LRRC4C: variants seen among roughly 807,000 people sequenced by gnomAD.
The protein encoded by LRRC4C is leucine-rich repeat-containing protein 4C.
Under a neutral mutation model 33.6 loss-of-function variants are expected in LRRC4C, and 5 were observed. The observed-to-expected ratio is 0.15, with a 90% CI of 0.08 to 0.31. LRRC4C has a LOEUF of 0.31. Among genes scored for constraint, LRRC4C ranks in the 10% least tolerant of loss-of-function variants. LRRC4C has a pLI of 1.00. For synonymous variants in LRRC4C, 329 were observed against 302.0 expected (o/e 1.09, Z -0.93); for missense variants, 560 against 796.7 (o/e 0.70, Z 3.58).
chr11:40,538,874 G>T (rs1395347037), intron 3 of LRRC4C, among the ~76,000 whole-genome samples: 1 of 152,128 alleles, frequency 6.6e-6, no homozygotes, highest in Non-Finnish European at 1.5e-5. Context: ...GTTTTGATTT[G>T]CATTTCTCTG....
At chr11:40,336,386 T>C (rs994932483) in intron 3 of LRRC4C, among the ~76,000 whole-genome samples, 1 of 152,188 alleles carries the variant, frequency 6.6e-6, no homozygotes, top group African/African-American at 2.4e-5. Flanking sequence ...GATTCTCCTC[T>C]CTTCCCTTGC....
intron 1 of LRRC4C, among the ~76,000 whole-genome samples, chr11:41,290,937 T>A (rs1186467202): frequency 2.0e-5 from 3 of 152,158 alleles, no homozygotes; most frequent in African/African-American, 7.2e-5. Context: ...TGACGAGGGA[T>A]GTGGAAAATT....
At chr11:41,052,931 T>C (rs1858346059) in intron 1 of LRRC4C, among the ~76,000 whole-genome samples, 2 of 152,158 alleles carry the variant, frequency 1.3e-5, no homozygotes. Context: ...CTCAATCAAA[T>C]TTTACTAGTC....
intron 2 of LRRC4C, among the ~76,000 whole-genome samples, chr11:40,845,102 T>A (rs2135687838): frequency 6.6e-6 from 1 of 152,280 alleles, no homozygotes; most frequent in Non-Finnish European, 1.5e-5. Flanking sequence ...TATACAATTT[T>A]AATTTGTTAA....
At chr11:40,831,413 C>T (rs192209786) in intron 2 of LRRC4C, among the ~76,000 whole-genome samples, 114 of 152,130 alleles carry the variant, frequency 7.5e-4, no homozygotes, top group African/African-American at 2.6e-3. Context: ...TCTGATGAAC[C>T]TGTCTTCCAT....
At chr11:40,899,223 A>T (rs958972830) in intron 2 of LRRC4C, among the ~76,000 whole-genome samples, 34 of 152,276 alleles carry the variant, frequency 2.2e-4, no homozygotes, top group Middle Eastern at 3.4e-3. Context: ...TCCTCAAATC[A>T]GTTCTCCCTT....
At chr11:40,696,006 G>GTA (rs1222756221) in intron 2 of LRRC4C, among the ~76,000 whole-genome samples, 4 of 147,502 alleles carry the variant, frequency 2.7e-5, no homozygotes, top group Non-Finnish European at 4.5e-5. Flanking sequence ...TGTACATGTA[G>GTA]TATATATATA....
At chr11:40,976,237 T>A (rs1025629992) in intron 1 of LRRC4C, among the ~76,000 whole-genome samples, 5 of 152,240 alleles carry the variant, frequency 3.3e-5, no homozygotes, top group African/African-American at 4.8e-5. Flanking sequence ...GATTCTAGGA[T>A]GTGAACTGAC....
At chr11:40,779,230 G>T (rs566679706) in intron 2 of LRRC4C, among the ~76,000 whole-genome samples, 1 of 152,232 alleles carries the variant, frequency 6.6e-6, no homozygotes, top group Admixed American at 6.5e-5. Context: ...GATGATTCAA[G>T]TTTTTGGCTT....
intron 1 of LRRC4C, among the ~76,000 whole-genome samples, chr11:41,220,508 T>A (rs1323971041): frequency 2.1e-5 from 3 of 141,926 alleles, no homozygotes; most frequent in African/African-American, 7.9e-5. Flanking sequence ...CAAATAATTA[T>A]CCTCCAATAT....
chr11:40,856,367 A>G (rs999851511), intron 2 of LRRC4C, among the ~76,000 whole-genome samples: 2 of 152,186 alleles, frequency 1.3e-5, no homozygotes, highest in Non-Finnish European at 2.9e-5. Flanking sequence ...TATGCTGAAA[A>G]TATAAAATGT....
chr11:41,083,814 C>A (rs1441878986), intron 1 of LRRC4C, among the ~76,000 whole-genome samples: 1 of 152,156 alleles, frequency 6.6e-6, no homozygotes, highest in African/African-American at 2.4e-5. Flanking sequence ...GGATATCCAA[C>A]TTTGGAATAT....
intron 1 of LRRC4C, among the ~76,000 whole-genome samples, chr11:41,362,569 C>T (rs1037395464): frequency 2.6e-5 from 4 of 152,034 alleles, no homozygotes; most frequent in Non-Finnish European, 5.9e-5. Flanking sequence ...CCTACTTAAA[C>T]TTCTTTATGA....
At chr11:40,498,917 G>A (rs1247426024) in intron 3 of LRRC4C, among the ~76,000 whole-genome samples, 1 of 152,174 alleles carries the variant, frequency 6.6e-6, no homozygotes, top group Non-Finnish European at 1.5e-5. Flanking sequence ...ATCCTACAGA[G>A]TGTGTTTAAG....
At chr11:40,118,949 T>C (rs1260602576) in intron 6 of LRRC4C, among the ~76,000 whole-genome samples, 1 of 152,188 alleles carries the variant, frequency 6.6e-6, no homozygotes, top group African/African-American at 2.4e-5. Flanking sequence ...AAGACCTTCC[T>C]GTTGGCTCAA....
chr11:40,952,894 ACACTCTCT>A (rs746871398), intron 1 of LRRC4C, among the ~76,000 whole-genome samples: 161 of 51,068 alleles, frequency 3.2e-3, no homozygotes, highest in East Asian at 0.017. Context: ...ACACACACAC[ACACTCTCT>A]CTCTCTCTCT....
At chr11:40,802,649 A>G (rs4370927) in intron 2 of LRRC4C, among the ~76,000 whole-genome samples, 80,383 of 152,020 alleles carry the variant, frequency 0.53, 24,814 homozygotes, top group East Asian at 0.81. Context: ...ATAAAGTAGA[A>G]TAAACATTTC....
At chr11:41,142,705 A>C (rs536666218) in intron 1 of LRRC4C, among the ~76,000 whole-genome samples, 14 of 152,024 alleles carry the variant, frequency 9.2e-5, no homozygotes, top group Non-Finnish European at 1.8e-4. Flanking sequence ...ACAAAAAAAA[A>C]GGCTCCCAAA....
At chr11:41,231,926 A>G (rs1193120048) in intron 1 of LRRC4C, among the ~76,000 whole-genome samples, 2 of 151,826 alleles carry the variant, frequency 1.3e-5, no homozygotes, top group East Asian at 1.9e-4. Flanking sequence ...ACAAAGTCCA[A>G]ACTCTACCTT....
Sources: allele counts gnomAD v4.1 joint callset (sites outside exome capture counted in the v4.1 genomes callset), GRCh38; gene constraint gnomAD v4.1.1; transcripts MANE v1.5; gene names NCBI Gene and HGNC (gene_info 2026-07-23, HGNC 2026-07-21).